The following NUFIP2 variants were observed in gnomAD, a reference collection of about 807,000 sequenced individuals.
NUFIP2 encodes the protein nuclear FMR1 interacting protein 2, also known as FMR1-interacting protein NUFIP2.
A neutral mutation model predicts 56.9 loss-of-function variants in NUFIP2; 6 were observed. The ratio of observed to expected loss-of-function variants is 0.11; its 90% CI spans 0.06 to 0.21. NUFIP2 has a LOEUF of 0.21. Ranked by LOEUF, NUFIP2 falls within the 10% of genes least tolerant of loss-of-function variation. The pLI, the probability that NUFIP2 is intolerant of heterozygous loss-of-function variation, is 1.00. For missense variants in NUFIP2, 828 were observed against 826.8 expected (o/e 1.00, Z -0.02); for synonymous variants, 321 against 298.2 (o/e 1.08, Z -0.79).
Position 29,256,191 on chromosome 17 carries a change from A to AAC in NUFIP2, c.*8346_*8347dup, listed in dbSNP as rs2068970367. 2.6e-5 allele frequency: 4 copies of AAC among 152,338 alleles called. No individual in the cohort carries two copies. The South Asian group carries it at 8.3e-4, about 32-fold the overall frequency. 9.4% of individuals were successfully genotyped at this position (152,338 alleles called of 1,614,324 possible). A position where few individuals can be genotyped will look rare whatever the true frequency, so the allele number is the denominator to read the frequency against. On this transcript the variant is annotated 3_prime_UTR_variant, in exon 4 of 4. Transcript: ENST00000225388. ...TTTTTGAGCGGGGGGAACATCCTTT[A>AAC]ACATAACTGTACTCCACTTATTATC...
chr17:29,281,891 A>C (rs1436497763), intron 2 of NUFIP2, among the ~76,000 whole-genome samples: 15 of 151,588 alleles, frequency 9.9e-5, no homozygotes, highest in Non-Finnish European at 1.5e-5. Flanking sequence ...CAGCCTCCCA[A>C]GTAGCTGGGA....
rs749514785 is a variant in NUFIP2, at chr17:29,264,620, T to A, written c.2036-29A>T. On this transcript the variant is annotated intron_variant, in intron 3 of 3. Transcript: ENST00000225388. Reference sequence around the variant, plus strand: ...GAAAGGTTAAAAAAATAAATAAAAATAAGGTCTAGAATCTCAAAATGCCCG... The same window carrying A: ...GAAAGGTTAAAAAAATAAATAAAAAAAAGGTCTAGAATCTCAAAATGCCCG... The A allele has an allele frequency of 5.9e-5, 84 of 1,413,750 alleles. 2 individuals carry two copies. The highest frequency in any genetic ancestry group is 5.0e-6 in the Non-Finnish European group (5 of 999,574). The allele number at this position is 1,413,750 out of a possible 1,614,324, so 87.6% of individuals were successfully genotyped here.
At chr17:29,277,137 G>A (rs1360324667) in intron 2 of NUFIP2, among the ~76,000 whole-genome samples, 1 of 152,112 alleles carries the variant, frequency 6.6e-6, no homozygotes, top group Non-Finnish European at 1.5e-5. Context: ...AGATTCTCCT[G>A]CCTAAGCCTC....
At chr17:29,279,305 T>C (rs2069126356) in intron 2 of NUFIP2, among the ~76,000 whole-genome samples, 1 of 152,234 alleles carries the variant, frequency 6.6e-6, no homozygotes, top group Non-Finnish European at 1.5e-5. Flanking sequence ...TGTAATCTTA[T>C]CTGTTCCCTT....
chr17:29,266,361 G>T (rs534540979), intron 3 of NUFIP2, among the ~76,000 whole-genome samples: 3 of 151,940 alleles, frequency 2.0e-5, no homozygotes, highest in Non-Finnish European at 4.4e-5. Context: ...GGGAAATCAG[G>T]GGAAGCTACA....
intron 2 of NUFIP2, among the ~76,000 whole-genome samples, chr17:29,283,534 C>G (rs148955896): frequency 1.3e-5 from 2 of 152,150 alleles, no homozygotes; most frequent in Admixed American, 6.5e-5. Flanking sequence ...CCTCCCACTT[C>G]GGCCTCCCAA....
At chr17:29,273,043 C>T (rs905370271) in intron 2 of NUFIP2, among the ~76,000 whole-genome samples, 7 of 150,326 alleles carry the variant, frequency 4.7e-5, no homozygotes, top group African/African-American at 1.5e-4. Context: ...TACACACACA[C>T]ACATATATAT....
chr17:29,277,961 G>A (rs376783565), intron 2 of NUFIP2, among the ~76,000 whole-genome samples: 4 of 152,028 alleles, frequency 2.6e-5, no homozygotes, highest in South Asian at 4.2e-4. Flanking sequence ...GCAGTGAGCC[G>A]AGATCGCGCC....
Position 29,264,610 on chromosome 17 carries a change from T to C in NUFIP2, c.2036-19A>G, listed in dbSNP as rs779804093. 17 of 1,464,206 alleles carry C rather than the reference T, an allele frequency of 1.2e-5. No homozygotes were observed. The highest frequency in any genetic ancestry group is 1.5e-5 in the Non-Finnish European group (16 of 1,045,166). The allele number at this position is 1,464,206 out of a possible 1,614,324, so 90.7% of individuals were successfully genotyped here. ...TTGGGATCTAGAAAGGTTAAAAAAA[T>C]AAATAAAAATAAGGTCTAGAATCTC... On this transcript the variant is annotated intron_variant, in intron 3 of 3. Coordinates refer to ENST00000225388, the MANE Select transcript of NUFIP2 (RefSeq NM_020772.3).
chr17:29,287,023 G>A lies in NUFIP2; in HGVS notation c.971C>T (p.Ala324Val), dbSNP rs2069180769. 1.2e-6 allele frequency: 2 copies of A among 1,614,188 alleles called. No homozygotes were observed. The highest frequency in any genetic ancestry group is 1.1e-5 in the South Asian group (1 of 91,084). ...GTCCTCTTTGGAGGCAACAGCTGAA[G>A]CATGCTTTCCTTTGGGCCGATCATC... ...KFDDRPKGKH[A>V]SAVASKEDSW... The change falls in exon 2 of 4, where the codon GCT becomes GTT. Residue 324 changes from alanine to valine, a missense_variant. This residue lies in a region of NUFIP2 where 415 missense variants were observed against 408.7 expected (regional missense o/e 1.02). Coordinates refer to ENST00000225388, the MANE Select transcript of NUFIP2 (RefSeq NM_020772.3).
chr17:29,285,114 A>G (rs1172674266), intron 2 of NUFIP2, among the ~76,000 whole-genome samples: 2 of 152,150 alleles, frequency 1.3e-5, no homozygotes, highest in African/African-American at 4.8e-5. Flanking sequence ...CAGCCTGGCC[A>G]ACACGGGGAA....
intron 2 of NUFIP2, among the ~76,000 whole-genome samples, chr17:29,278,447 C>T (rs549892782): frequency 2.0e-5 from 3 of 152,008 alleles, no homozygotes; most frequent in East Asian, 3.9e-4. Context: ...GGGGTTTCAC[C>T]GTGTTAGCCA....
intron 1 of NUFIP2, among the ~76,000 whole-genome samples, chr17:29,290,664 A>AAAAAG (rs962554092): frequency 9.5e-5 from 14 of 147,364 alleles, no homozygotes; most frequent in African/African-American, 1.8e-4. Context: ...AAAAAAAAAA[A>AAAAAG]AAAGAAAGAA....
intron 1 of NUFIP2, among the ~76,000 whole-genome samples, chr17:29,290,327 A>T (rs1189352224): frequency 1.3e-5 from 2 of 152,088 alleles, no homozygotes; most frequent in African/African-American, 2.4e-5. Context: ...AGCAAGAAAG[A>T]GATTATTGCT....
chr17:29,293,346 G>A (rs2069230282), intron 1 of NUFIP2, among the ~76,000 whole-genome samples: 1 of 151,940 alleles, frequency 6.6e-6, no homozygotes, highest in Non-Finnish European at 1.5e-5. Context: ...CTGCAAAAGG[G>A]TCTCGCGACA....
chr17:29,290,323 A>G (rs911037102), intron 1 of NUFIP2, among the ~76,000 whole-genome samples: 8 of 152,244 alleles, frequency 5.3e-5, no homozygotes, highest in African/African-American at 1.9e-4. Context: ...AAACAGCAAG[A>G]AAGAGATTAT....
chr17:29,267,224 T>TA (rs1437161390), intron 3 of NUFIP2, among the ~76,000 whole-genome samples: 1 of 149,556 alleles, frequency 6.7e-6, no homozygotes, highest in African/African-American at 2.5e-5. Context: ...TTTTTTTTTT[T>TA]AATTTAAAAA....
intron 2 of NUFIP2, among the ~76,000 whole-genome samples, chr17:29,284,433 C>T (rs2530395): frequency 6.6e-6 from 1 of 152,116 alleles, no homozygotes; most frequent in African/African-American, 2.4e-5. Flanking sequence ...AGGCCTGGCA[C>T]GGTGGCTCAC....
Position 29,284,722 on chromosome 17 carries a change from A to AG in NUFIP2, c.2002+1269_2002+1270insC, listed in dbSNP as rs909041181. ...ACTCCATCTCAAAAAAAAAAAAAAAAAAAAAGAAAAAAAAGAAAAGAAAGT... is the reference window on the plus strand; with the variant it reads ...ACTCCATCTCAAAAAAAAAAAAAAAAGAAAAAGAAAAAAAAGAAAAGAAAGT... On this transcript the variant is annotated intron_variant, in intron 2 of 3. Coordinates refer to ENST00000225388, the MANE Select transcript of NUFIP2 (RefSeq NM_020772.3). Among the ~76,000 whole-genome samples, 26 of 150,654 alleles carry AG rather than the reference A, an allele frequency of 1.7e-4. 1 individual carries two copies. The highest frequency in any genetic ancestry group is 1.1e-3 in the Admixed American group (16 of 15,098).
Sources: allele counts gnomAD v4.1 joint callset (sites outside exome capture counted in the v4.1 genomes callset), GRCh38; gene constraint gnomAD v4.1.1; regional missense constraint gnomAD v4.1.1; transcripts MANE v1.5; gene names NCBI Gene and HGNC (gene_info 2026-07-23, HGNC 2026-07-21).